ADAMTS19: variants seen among roughly 807,000 people sequenced by gnomAD.
ADAMTS19 encodes A disintegrin and metalloproteinase with thrombospondin motifs 19.
In ADAMTS19, 93 loss-of-function variants were observed where a neutral mutation model predicts 153.3. The ratio of observed to expected loss-of-function variants is 0.61; its 90% CI spans 0.51 to 0.72. ADAMTS19 has a LOEUF of 0.72. ADAMTS19 is among the 30% of genes least tolerant of loss of function. The pLI is 0.00. For synonymous variants in ADAMTS19, 600 were observed against 556.6 expected, an observed-to-expected ratio of 1.08 and a Z score of -1.10; for missense variants, 1,482 against 1,552.1, an observed-to-expected ratio of 0.95 and a Z score of 0.76.
At chr5:129,462,793 A>G (rs1356058307) in intron 2 of ADAMTS19, among the ~76,000 whole-genome samples, 3 of 152,212 alleles carry the variant, frequency 2.0e-5, no homozygotes, top group Non-Finnish European at 2.9e-5. Flanking sequence ...TAAAATATCA[A>G]AAATGCACTT....
chr5:129,524,261 A>G (rs1751925147), intron 3 of ADAMTS19, among the ~76,000 whole-genome samples: 1 of 152,266 alleles, frequency 6.6e-6, no homozygotes, highest in Admixed American at 6.5e-5. Context: ...ATACGCAGAA[A>G]ACAGAAACTG....
chr5:129,524,959 G>T (rs1441583747), intron 3 of ADAMTS19, among the ~76,000 whole-genome samples: 1 of 152,062 alleles, frequency 6.6e-6, no homozygotes. Flanking sequence ...TCAGTATTAT[G>T]TGGATGAACC....
Position 129,648,833 on chromosome 5 carries a change from G to T in ADAMTS19, c.2039G>T (p.Arg680Ile), listed in dbSNP as rs766748428. 2 of 1,613,868 alleles carry T rather than the reference G, an allele frequency of 1.2e-6. No homozygotes were observed. The highest frequency in any genetic ancestry group is 2.2e-5 in the South Asian group (2 of 91,014). Residue 680 changes from arginine to isoleucine, a missense_variant, in exon 13 of 23, where the codon AGA (arginine) becomes ATA (isoleucine). Around this residue, in one of 2 missense-constraint regions of ADAMTS19, gnomAD observed 616 missense variants for 724.4 expected, o/e 0.85. Transcript: ENST00000274487. ...DSEARDCNGP[R>I]KQYRICENPP... The stretch of plus-strand genomic sequence containing the variant: ...GAAGCAAGGGATTGTAATGGTCCCA[G>T]AAAACAATACAGAATATGTGAGAAT...
At chr5:129,684,765 A>G (rs1196979655) in intron 18 of ADAMTS19, among the ~76,000 whole-genome samples, 1 of 151,890 alleles carries the variant, frequency 6.6e-6, no homozygotes, top group African/African-American at 2.4e-5. Flanking sequence ...AGGCGGGCAG[A>G]TCACGAGGTC....
intron 7 of ADAMTS19, among the ~76,000 whole-genome samples, chr5:129,592,849 CT>C (rs1339799410): frequency 2.0e-5 from 3 of 152,030 alleles, no homozygotes; most frequent in African/African-American, 7.2e-5. Context: ...AAAACTGTAT[CT>C]TTTTGTTCAT....
At chr5:129,600,132 A>G (rs778803284) in intron 8 of ADAMTS19, among the ~76,000 whole-genome samples, 4 of 152,196 alleles carry the variant, frequency 2.6e-5, no homozygotes, top group Admixed American at 6.5e-5. Context: ...AAATGTCCAT[A>G]TGCTCATAGT....
intron 18 of ADAMTS19, among the ~76,000 whole-genome samples, chr5:129,685,040 AAG>A (rs1195992088): frequency 1.3e-5 from 2 of 152,030 alleles, no homozygotes; most frequent in African/African-American, 4.8e-5. Context: ...GCAGGATTAG[AAG>A]AGAGTTTTAT....
intron 14 of ADAMTS19, among the ~76,000 whole-genome samples, chr5:129,658,309 A>AAAAGAAAGAAAGAAAGAAAAAG (rs1753639822): frequency 1.5e-3 from 167 of 113,664 alleles, no homozygotes; most frequent in Middle Eastern, 9.5e-3. Flanking sequence ...GAAAGAAAGA[A>AAAAGAAAGAAAGAAAGAAAAAG]AAAGAAAGAA....
chr5:129,681,065 G>T (rs1445496098), intron 17 of ADAMTS19, among the ~76,000 whole-genome samples: 1 of 152,194 alleles, frequency 6.6e-6, no homozygotes, highest in African/African-American at 2.4e-5. Context: ...ATGATGTGCT[G>T]CATTATTTAA....
At chr5:129,638,761 A>G (rs62399046) in intron 10 of ADAMTS19, among the ~76,000 whole-genome samples, 2 of 152,158 alleles carry the variant, frequency 1.3e-5, no homozygotes, top group Non-Finnish European at 2.9e-5. Flanking sequence ...TCCAAGGATT[A>G]ATTATTACTT....
intron 4 of ADAMTS19, among the ~76,000 whole-genome samples, chr5:129,527,313 A>T (rs1752045967): frequency 6.6e-6 from 1 of 151,712 alleles, no homozygotes; most frequent in South Asian, 2.1e-4. Context: ...TGATGTAAGG[A>T]TAAATATAGT....
At chr5:129,624,989 C>T (rs975723468) in intron 10 of ADAMTS19, among the ~76,000 whole-genome samples, 1 of 151,782 alleles carries the variant, frequency 6.6e-6, no homozygotes, top group African/African-American at 2.4e-5. Context: ...TCCCCCATCC[C>T]CCCACCCCAC....
chr5:129,639,646 C>G (rs893763158), intron 10 of ADAMTS19, among the ~76,000 whole-genome samples: 7 of 152,074 alleles, frequency 4.6e-5, no homozygotes, highest in African/African-American at 9.7e-5. Context: ...AAGCATTATT[C>G]CAAAACTACA....
At chr5:129,491,274 T>A (rs1027375943) in intron 2 of ADAMTS19, among the ~76,000 whole-genome samples, 1 of 152,170 alleles carries the variant, frequency 6.6e-6, no homozygotes, top group Admixed American at 6.5e-5. Flanking sequence ...AGTGCTGAGA[T>A]TACAGGCGTG....
rs377008786 is a variant in ADAMTS19 at position 129,608,116 on chromosome 5, G to GTGTGTGTATATATATATATATATATA, written c.1478+11453_1478+11454insGTGTGTATATATATATATATATATAT. 1.9e-4 allele frequency among the ~76,000 whole-genome samples: 9 copies of GTGTGTGTATATATATATATATATATA among 47,950 alleles called. 1 individual carries two copies. The highest frequency in any genetic ancestry group is 5.8e-4 in the East Asian group (1 of 1,730). 31.5% of individuals were successfully genotyped at this position (47,950 alleles called of 152,430 possible). On this transcript the variant is annotated intron_variant, in intron 8 of 22. Transcript: ENST00000274487. ...TGTGTGTGTGTGTGTGTGTGTGTGT[G>GTGTGTGTATATATATATATATATATA]TATATATATATATATATATATATAA...
intron 18 of ADAMTS19, among the ~76,000 whole-genome samples, chr5:129,686,739 T>C (rs1755110022): frequency 6.6e-6 from 1 of 152,102 alleles, no homozygotes; most frequent in Non-Finnish European, 1.5e-5. Context: ...AGGAGCATCT[T>C]TGCCAGAGCA....
chr5:129,472,704 A>C (rs1750106563), intron 2 of ADAMTS19, among the ~76,000 whole-genome samples: 1 of 151,928 alleles, frequency 6.6e-6, no homozygotes, highest in Non-Finnish European at 1.5e-5. Context: ...CAGCAATTTT[A>C]TCAGTAAAAT....
At chr5:129,733,673 G>C (rs546187056) in intron 21 of ADAMTS19, among the ~76,000 whole-genome samples, 1 of 152,136 alleles carries the variant, frequency 6.6e-6, no homozygotes, top group South Asian at 2.1e-4. Context: ...TGGTGAGGTT[G>C]GAGAGAAAAG....
At chr5:129,564,296 T>C (rs1404906760) in intron 7 of ADAMTS19, among the ~76,000 whole-genome samples, 1 of 152,180 alleles carries the variant, frequency 6.6e-6, no homozygotes, top group Non-Finnish European at 1.5e-5. Flanking sequence ...TTCTGACCTA[T>C]AGTAATGTGG....
Sources: allele counts gnomAD v4.1 joint callset (sites outside exome capture counted in the v4.1 genomes callset), GRCh38; gene constraint gnomAD v4.1.1; regional missense constraint gnomAD v4.1.1; transcripts MANE v1.5; gene names NCBI Gene and HGNC (gene_info 2026-07-23, HGNC 2026-07-21).